ZNF804B: variants seen among roughly 807,000 people sequenced by gnomAD.
ZNF804B encodes the protein zinc finger protein 804B, also known as zinc finger 804B.
In ZNF804B, 80 loss-of-function variants were observed where a neutral mutation model predicts 101.4. The ratio of observed to expected loss-of-function variants is 0.79; its 90% CI spans 0.66 to 0.95. The LOEUF (loss-of-function observed/expected upper bound fraction) is 0.95. Among genes scored for constraint, ZNF804B ranks in the 40% least tolerant of loss-of-function variants. ZNF804B has a pLI of 0.00. For synonymous variants in ZNF804B, 622 were observed against 558.8 expected, an observed-to-expected ratio of 1.11 and a Z score of -1.59; for missense variants, 1,673 against 1,561.9, an observed-to-expected ratio of 1.07 and a Z score of -1.20.
intron 1 of ZNF804B, among the ~76,000 whole-genome samples, chr7:88,902,118 C>T (rs551076616): frequency 2.0e-5 from 3 of 152,068 alleles, no homozygotes; most frequent in East Asian, 1.9e-4. Flanking sequence ...TACACTTTCT[C>T]TTTAGTTTGG....
At chr7:88,877,008 A>AAAATATATATATATAATATATAT (rs1791950930) in intron 1 of ZNF804B, among the ~76,000 whole-genome samples, 3 of 71,240 alleles carry the variant, frequency 4.2e-5, no homozygotes, top group African/African-American at 3.3e-4. Flanking sequence ...GAAAAAAAAA[A>AAAATATATATATATAATATATAT]TATATATATA....
chr7:88,938,193 T>G (rs1337239581), intron 1 of ZNF804B, among the ~76,000 whole-genome samples: 1 of 152,022 alleles, frequency 6.6e-6, no homozygotes, highest in East Asian at 1.9e-4. Context: ...TGTCTAAAGA[T>G]CTAGGATTGA....
intron 1 of ZNF804B, among the ~76,000 whole-genome samples, chr7:88,898,362 AG>A (rs1234312579): frequency 6.6e-5 from 10 of 152,076 alleles, no homozygotes; most frequent in African/African-American, 2.4e-4. Context: ...CTGGGATTAC[AG>A]GCGTGAGCCA....
At chr7:89,243,272 G>A (rs2115768236) in intron 2 of ZNF804B, among the ~76,000 whole-genome samples, 1 of 147,812 alleles carries the variant, frequency 6.8e-6, no homozygotes, top group African/African-American at 2.4e-5. Context: ...GTCATTTGGG[G>A]CAAGCTGAAG....
intron 2 of ZNF804B, among the ~76,000 whole-genome samples, chr7:89,284,896 G>A (rs1219181912): frequency 6.6e-6 from 1 of 151,978 alleles, no homozygotes; most frequent in Non-Finnish European, 1.5e-5. Flanking sequence ...GTTCTGAGGG[G>A]CCATTAAGAA....
At chr7:89,248,280 A>G (rs1789482225) in intron 2 of ZNF804B, among the ~76,000 whole-genome samples, 1 of 152,110 alleles carries the variant, frequency 6.6e-6, no homozygotes, top group Non-Finnish European at 1.5e-5. Context: ...ACTATACAAA[A>G]CGAACAACAC....
At chr7:89,219,929 A>ATG (rs1299463032) in intron 2 of ZNF804B, among the ~76,000 whole-genome samples, 1 of 148,592 alleles carries the variant, frequency 6.7e-6, no homozygotes, top group African/African-American at 2.5e-5. Context: ...ATATACATAT[A>ATG]TGTGTGCATA....
rs1791376479 is a variant in ZNF804B, at chr7:88,846,590, C to T, written c.108+86506C>T. On this transcript the variant is annotated intron_variant, in intron 1 of 3. Coordinates refer to ENST00000333190, the MANE Select transcript of ZNF804B (RefSeq NM_181646.5). Reference sequence around the variant, plus strand: ...GGAGAAAAATAACCTGGGATTGGAGCTCAACTGCTCACACACAATGCTTAT... The same window carrying T: ...GGAGAAAAATAACCTGGGATTGGAGTTCAACTGCTCACACACAATGCTTAT... 2.0e-5 allele frequency among the ~76,000 whole-genome samples: 3 copies of T among 152,234 alleles called. No individual in the cohort carries two copies. The South Asian group carries it at 6.2e-4, about 32-fold the overall frequency.
rs1319238744 is a variant in ZNF804B at position 89,337,119 on chromosome 7, G to A, written c.*87G>A. The A allele has an allele frequency of 8.5e-6, 11 of 1,298,386 alleles. No individual in the cohort carries two copies. In the East Asian group the frequency reaches 2.2e-4, roughly 27 times the overall value. 80.4% of individuals were successfully genotyped at this position (1,298,386 alleles called of 1,614,324 possible). A position where few individuals can be genotyped will look rare whatever the true frequency, so the allele number is the denominator to read the frequency against. On this transcript the variant is annotated 3_prime_UTR_variant, in exon 4 of 4. Transcript: ENST00000333190. ...ATTTAAAGAAGTCTGTCAATTATAA[G>A]ATTTAAAATATTGCTGCCAATTCAA...
chr7:88,892,484 T>A (rs1792227480), intron 1 of ZNF804B, among the ~76,000 whole-genome samples: 1 of 152,134 alleles, frequency 6.6e-6, no homozygotes, highest in Admixed American at 6.6e-5. Flanking sequence ...AAAGTCATTG[T>A]CATTTTAAGT....
chr7:88,897,867 C>CTT (rs767550632), intron 1 of ZNF804B, among the ~76,000 whole-genome samples: 4 of 138,850 alleles, frequency 2.9e-5, no homozygotes, highest in Non-Finnish European at 4.7e-5. Context: ...AAGAATAGTA[C>CTT]TTTTTTTTTT....
At chr7:88,794,160 G>C (rs752838438) in intron 1 of ZNF804B, 64 of 1,568,282 alleles carry the variant, frequency 4.1e-5, no homozygotes, top group Non-Finnish European at 5.4e-5. Flanking sequence ...AAGAGACATG[G>C]GCACATTATC....
At chr7:89,194,083 A>G (rs1250207058) in intron 1 of ZNF804B, among the ~76,000 whole-genome samples, 4 of 151,800 alleles carry the variant, frequency 2.6e-5, no homozygotes, top group Non-Finnish European at 5.9e-5. Flanking sequence ...GCATTTTTTC[A>G]TATGTTTTTT....
At chr7:88,870,058 C>T (rs1791795232) in intron 1 of ZNF804B, among the ~76,000 whole-genome samples, 1 of 152,108 alleles carries the variant, frequency 6.6e-6, no homozygotes, top group South Asian at 2.1e-4. Context: ...CAGACCAGGC[C>T]CTCCAGGGAT....
At chr7:88,840,653 G>C (rs908951223) in intron 1 of ZNF804B, among the ~76,000 whole-genome samples, 1 of 151,906 alleles carries the variant, frequency 6.6e-6, no homozygotes, top group Non-Finnish European at 1.5e-5. Context: ...AACTTTTCCG[G>C]GATAGTTTTG....
chr7:88,829,867 T>C (rs146444981), intron 1 of ZNF804B, among the ~76,000 whole-genome samples: 64 of 152,230 alleles, frequency 4.2e-4, no homozygotes, highest in Middle Eastern at 3.4e-3. Context: ...TTGTACTGTT[T>C]GTAATAGTAT....
intron 1 of ZNF804B, among the ~76,000 whole-genome samples, chr7:88,831,998 G>A (rs906999211): frequency 4.6e-5 from 7 of 151,614 alleles, no homozygotes; most frequent in African/African-American, 1.7e-4. Flanking sequence ...TACACCTGAA[G>A]GAAAGCCTTT....
In ZNF804B at chr7:89,190,408, C is replaced by A. The variant is rs796194075; in HGVS notation, c.109-27747C>A. Among the ~76,000 whole-genome samples, 14 of 151,206 alleles carry A rather than the reference C, an allele frequency of 9.3e-5. No homozygotes were observed. In the South Asian group the frequency reaches 2.7e-3, roughly 29 times the overall value. ...AGATATGACTGAATTATTGTGATTT[C>A]TTAATAAAATTTTAACAGACAAGGA... On this transcript the variant is annotated intron_variant, in intron 1 of 3. Transcript: ENST00000333190.
At chr7:89,228,221 G>A (rs10279723) in intron 2 of ZNF804B, among the ~76,000 whole-genome samples, 89,388 of 151,830 alleles carry the variant, frequency 0.59, 26,828 homozygotes, top group African/African-American at 0.63. Flanking sequence ...AGCTCATAAA[G>A]GCAGTGTGTA....
Sources: gnomAD v4.1 joint callset for allele counts (sites outside exome capture counted in the v4.1 genomes callset) on GRCh38, gnomAD v4.1.1 for gene constraint, MANE v1.5 for transcripts, NCBI Gene and HGNC (gene_info 2026-07-23, HGNC 2026-07-21) for gene names.